ARPP21: variants seen among roughly 807,000 people sequenced by gnomAD.
ARPP21 encodes the protein cAMP-regulated phosphoprotein 21.
Under a neutral mutation model 113.2 loss-of-function variants are expected in ARPP21, and 69 were observed. The ratio of observed to expected loss-of-function variants is 0.61; its 90% CI spans 0.50 to 0.74. The LOEUF (loss-of-function observed/expected upper bound fraction) is 0.74, where lower values mean the gene tolerates loss of function less well. Ranked by LOEUF, ARPP21 falls within the 30% of genes least tolerant of loss-of-function variation. The pLI, the probability that ARPP21 is intolerant of heterozygous loss-of-function variation, is 0.00. For missense variants in ARPP21, 1,070 were observed against 1,037.4 expected (o/e 1.03, Z -0.43); for synonymous variants, 368 against 375.5 (o/e 0.98, Z 0.23).
intron 14 of ARPP21, among the ~76,000 whole-genome samples, chr3:35,728,195 C>G (rs2093677273): frequency 6.9e-6 from 1 of 145,634 alleles, no homozygotes; most frequent in South Asian, 2.2e-4. Flanking sequence ...ATAATGCCCA[C>G]CATCTATTTG....
intron 19 of ARPP21, among the ~76,000 whole-genome samples, chr3:35,790,038 C>T (rs1002209421): frequency 3.9e-5 from 6 of 152,030 alleles, no homozygotes; most frequent in Admixed American, 3.9e-4. Flanking sequence ...CCCCCACTTC[C>T]CTCTTTTCCT....
intron 19 of ARPP21, among the ~76,000 whole-genome samples, chr3:35,788,837 G>A (rs151174826): frequency 2.6e-5 from 4 of 152,102 alleles, no homozygotes; most frequent in Non-Finnish European, 5.9e-5. Flanking sequence ...TTGTATTTTA[G>A]TAGAAAACCT....
At chr3:35,685,443 CT>C in intron 5 of ARPP21, 1 of 985,056 alleles carries the variant, frequency 1.0e-6, no homozygotes, top group Non-Finnish European at 1.2e-6. Flanking sequence ...GCCGTGCTAC[CT>C]TTTTAGAGAA....
intron 19 of ARPP21, among the ~76,000 whole-genome samples, chr3:35,751,401 T>A (rs1303050439): frequency 4.6e-5 from 7 of 152,132 alleles, no homozygotes; most frequent in Admixed American, 4.6e-4. Flanking sequence ...ATGCATAGTA[T>A]TGCAAAACCC....
At chr3:35,737,433 A>G (rs2094425190) in intron 16 of ARPP21, 71 bp downstream of exon 16, 2 of 1,043,408 alleles carry the variant, frequency 1.9e-6, no homozygotes, top group African/African-American at 1.6e-5. Flanking sequence ...TCAGAGCAGC[A>G]GAGAATCAGG....
At chr3:35,706,287 A>G (rs1193790225) in intron 9 of ARPP21, among the ~76,000 whole-genome samples, 1 of 152,234 alleles carries the variant, frequency 6.6e-6, no homozygotes, top group African/African-American at 2.4e-5. Context: ...CCAAATGATT[A>G]AAAAGACCTA....
intron 19 of ARPP21, chr3:35,775,149 C>A (rs1417134876): frequency 1.3e-5 from 2 of 152,182 alleles, no homozygotes; most frequent in Non-Finnish European, 2.9e-5. Context: ...GATGAGGGAG[C>A]ATGCCACAAC....
chr3:35,721,478 T>C, intron 13 of ARPP21, 127 bp from the exon 14 acceptor site: 1 of 626,642 alleles, frequency 1.6e-6, no homozygotes. Context: ...ACTGGTTTAA[T>C]GAAAAGGGTT....
chr3:35,735,586 T>C, intron 15 of ARPP21, among the ~76,000 whole-genome samples: 1 of 152,212 alleles, frequency 6.6e-6, no homozygotes, highest in Non-Finnish European at 1.5e-5. Context: ...TGGACTGAGA[T>C]GCTTTAGAAC....
intron 19 of ARPP21, among the ~76,000 whole-genome samples, chr3:35,762,581 G>A (rs1009434638): frequency 6.6e-5 from 10 of 151,964 alleles, no homozygotes; most frequent in African/African-American, 1.2e-4. Flanking sequence ...GAAAACATTC[G>A]TGACTACTTA....
intron 5 of ARPP21, 76 bp downstream of exon 5, chr3:35,683,891 A>C (rs757658724): frequency 1.0e-6 from 1 of 984,504 alleles, no homozygotes; most frequent in African/African-American, 1.6e-5. Context: ...ATTTGGTGTT[A>C]AACAGTGTTT....
intron 18 of ARPP21, among the ~76,000 whole-genome samples, chr3:35,743,596 C>T (rs2094818495): frequency 6.6e-6 from 1 of 152,150 alleles, no homozygotes; most frequent in African/African-American, 2.4e-5. Flanking sequence ...AAGACTCAGA[C>T]ATCATTTCTG....
intron 19 of ARPP21, among the ~76,000 whole-genome samples, chr3:35,780,534 C>T (rs2151718247): frequency 6.6e-6 from 1 of 152,122 alleles, no homozygotes; most frequent in South Asian, 2.1e-4. Context: ...AGATGGCCTC[C>T]CCCGCAGTGT....
In ARPP21 at chr3:35,748,302, GAAAGAAAGAAAGAAAGAA is replaced by G. The variant is rs985440894; in HGVS notation, c.2137+4358_2137+4375del. On this transcript the variant is annotated intron_variant, in intron 19 of 20. Transcript: ENST00000684406. ...AGAAAAGGAGGAAGGAAGGAAGGAA[GAAAGAAAGAAAGAAAGAA>G]AAAGAAAGAAAGAAAGAAAAGAAAG... Among the ~76,000 whole-genome samples, 10 of 106,452 alleles carry G rather than the reference GAAAGAAAGAAAGAAAGAA, an allele frequency of 9.4e-5. No individual in the cohort carries two copies. The South Asian group carries it at 1.0e-3, about 11-fold the overall frequency. 69.8% of individuals were successfully genotyped at this position (106,452 alleles called of 152,430 possible).
intron 14 of ARPP21, among the ~76,000 whole-genome samples, chr3:35,727,696 C>A (rs932444057): frequency 6.6e-6 from 1 of 152,118 alleles, no homozygotes; most frequent in Non-Finnish European, 1.5e-5. Context: ...TACATTCTTG[C>A]AACCTGTGAT....
intron 11 of ARPP21, among the ~76,000 whole-genome samples, chr3:35,711,751 A>G (rs1441278123): frequency 6.6e-6 from 1 of 152,178 alleles, no homozygotes; most frequent in Non-Finnish European, 1.5e-5. Flanking sequence ...TATAGGCTGG[A>G]GATCTCAGTT....
In ARPP21 at chr3:35,687,365, C is replaced by T. The variant is rs932269764; in HGVS notation, c.262-374C>T. Among the ~76,000 whole-genome samples, 31 of 149,582 alleles carry T rather than the reference C, an allele frequency of 2.1e-4. 1 individual carries two copies. The highest frequency in any genetic ancestry group is 7.1e-4 in the African/African-American group (29 of 40,850). ...TATAAGGAATTATAGAATAGAACTA[C>T]GGAGGACTTTTTTTTTTTAATACAA... On this transcript the variant is annotated intron_variant, in intron 5 of 20. Transcript: ENST00000684406.
chr3:35,685,838 T>C (rs570568678), intron 5 of ARPP21: 2 of 763,974 alleles, frequency 2.6e-6, no homozygotes, highest in South Asian at 1.2e-4. Flanking sequence ...TATTTTATTA[T>C]TGAGCATATC....
At chr3:35,731,726 TGCCTCCTCTGGGCTG>T in intron 15 of ARPP21, among the ~76,000 whole-genome samples, 1 of 152,152 alleles carries the variant, frequency 6.6e-6, no homozygotes. Context: ...GCTAAAGGTT[TGCCTCCTCTGGGCTG>T]GAACTCATCT....
Sources: allele counts gnomAD v4.1 joint callset (sites outside exome capture counted in the v4.1 genomes callset), GRCh38; gene constraint gnomAD v4.1.1; transcripts MANE v1.5; gene names NCBI Gene and HGNC (gene_info 2026-07-23, HGNC 2026-07-21).